PER3: variants seen among roughly 807,000 people sequenced by gnomAD.
PER3 encodes the protein period circadian protein homolog 3.
In PER3, 107 loss-of-function variants were observed where a neutral mutation model predicts 127.2. The ratio of observed to expected loss-of-function variants is 0.84; its 90% CI spans 0.72 to 0.99. The LOEUF (loss-of-function observed/expected upper bound fraction) is 0.99, where lower values mean the gene tolerates loss of function less well. PER3 is among the 50% of genes least tolerant of loss of function. The pLI is 0.00. For synonymous variants in PER3, 618 were observed against 585.8 expected (o/e 1.05, Z -0.79); for missense variants, 1,560 against 1,525.8 (o/e 1.02, Z -0.37).
rs909299773 is a variant in PER3, at chr1:7,801,093, CTTTGT to C, written c.794-16_794-12del. ...ATTAGATATTTGCCTTTAAATGGGT[CTTTGT>C]TTTTTTTTCCTTAGCTCCTCGGATC... On this transcript the variant is annotated splice_polypyrimidine_tract_variant and intron_variant, in intron 7 of 21. Coordinates refer to ENST00000377532, the MANE Select transcript of PER3 (RefSeq NM_001377275.1). 2 of 1,512,622 alleles carry C rather than the reference CTTTGT, an allele frequency of 1.3e-6. No individual in the cohort carries two copies. The highest frequency in any genetic ancestry group is 2.8e-5 in the African/African-American group (2 of 72,420). The allele number at this position is 1,512,622 out of a possible 1,614,324, so 93.7% of individuals were successfully genotyped here.
At chr1:7,790,197 A>G (rs1454383529) in intron 5 of PER3, among the ~76,000 whole-genome samples, 1 of 152,186 alleles carries the variant, frequency 6.6e-6, no homozygotes, top group Non-Finnish European at 1.5e-5. Context: ...TTACGCTGCT[A>G]TAAAGAACTA....
rs1453419609 is a variant in PER3 at position 7,835,779 on chromosome 1, A to G, written c.3232A>G (p.Ile1078Val). 7 of 1,611,026 alleles carry G rather than the reference A, an allele frequency of 4.3e-6. No homozygotes were observed. The highest frequency in any genetic ancestry group is 5.9e-6 in the Non-Finnish European group (7 of 1,177,604). The change falls in exon 20 of 22, where the codon ATA becomes GTA. Residue 1078 changes from isoleucine (I) to valine (V), a missense_variant. Physicochemically the swap from Ile to Val is conservative, Grantham distance 29. Coordinates refer to ENST00000377532, the MANE Select transcript of PER3 (RefSeq NM_001377275.1). ...TTTGACAGGAAGCAGCGACAGCAGT[A>G]TATACCTTACTAGTAGTGTTTATTC... Reference protein sequence around the residue: ...SAASGSSDSSIYLTSSVYSSK... With the variant: ...SAASGSSDSSVYLTSSVYSSK...
At position 7,823,882 on chromosome 1, in the gene PER3, A is replaced by G. The variant is rs535791365; in HGVS notation, c.1958-2598A>G. The stretch of plus-strand genomic sequence containing the variant: ...GTACACACAGTATGTTCACTGAGAA[A>G]TACGACATGTTGGGCTGTACTATGT... On this transcript the variant is annotated intron_variant, in intron 16 of 21. Coordinates refer to ENST00000377532, the MANE Select transcript of PER3 (RefSeq NM_001377275.1). Among the ~76,000 whole-genome samples, 7 of 152,360 alleles carry G rather than the reference A, an allele frequency of 4.6e-5. No homozygotes were observed. The East Asian group carries it at 1.2e-3, about 25-fold the overall frequency.
At position 7,803,761 on chromosome 1, in the gene PER3, A is replaced by G. The variant is rs2097180846; in HGVS notation, c.1049A>G (p.Tyr350Cys). Reference protein sequence around the residue: ...PIRFCTQNGDYIILDSSWSSF... With the variant: ...PIRFCTQNGDCIILDSSWSSF... ...CGATTTTGTACTCAAAACGGAGACT[A>G]CATCATACTGGATTCCAGTTGGTCC... The change falls in exon 10 of 22, where the codon TAC becomes TGC. Residue 350 changes from tyrosine to cysteine, a missense_variant. Coordinates refer to ENST00000377532, the MANE Select transcript of PER3 (RefSeq NM_001377275.1). The G allele has an allele frequency of 1.2e-6, 2 of 1,611,376 alleles. No individual in the cohort carries two copies. The highest frequency in any genetic ancestry group is 2.2e-5 in the East Asian group (1 of 44,868).
In PER3 at chr1:7,837,128, C is replaced by G. The variant is rs2097362371; in HGVS notation, c.3528C>G (p.Val1176=). ...ATAATTGGATTCAAAGCCAGACTGTCACTCAAGAAATCGACATTCAAGTAA... is the reference window on the plus strand; with the variant it reads ...ATAATTGGATTCAAAGCCAGACTGTGACTCAAGAAATCGACATTCAAGTAA... The part of the protein sequence containing the change: ...KVYNWIQSQT[V]TQEIDIQACV... The change falls in exon 21 of 22, where the codon GTC becomes GTG. Residue 1176 remains valine, a synonymous_variant. Coordinates refer to ENST00000377532, the MANE Select transcript of PER3 (RefSeq NM_001377275.1). 6.2e-7 allele frequency: 1 copy of G among 1,613,244 alleles called. No individual in the cohort carries two copies. Among genetic ancestry groups the G allele is most frequent in the African/African-American group, 1.3e-5 (1 of 74,900 alleles).
chr1:7,824,462 T>G (rs1170209030), intron 16 of PER3, among the ~76,000 whole-genome samples: 2 of 152,194 alleles, frequency 1.3e-5, no homozygotes, highest in Non-Finnish European at 2.9e-5. Context: ...TCAAGATTGC[T>G]TTGACTGTTA....
chr1:7,836,724 T>A, intron 20 of PER3: 1 of 278,518 alleles, frequency 3.6e-6, no homozygotes, highest in Non-Finnish European at 6.8e-6. Context: ...CTTTTTGTTT[T>A]AGACTCTTGA....
At chr1:7,823,068 T>C (rs2097284844) in intron 16 of PER3, among the ~76,000 whole-genome samples, 1 of 152,080 alleles carries the variant, frequency 6.6e-6, no homozygotes, top group South Asian at 2.1e-4. Context: ...CAAGACCCTG[T>C]CTCTAAAAAT....
At position 7,826,667 on chromosome 1, in the gene PER3, TCAG is replaced by T; in HGVS notation, c.2148_2150del (p.Gln717del). 6.2e-7 allele frequency: 1 copy of T among 1,613,152 alleles called. No homozygotes were observed. Among genetic ancestry groups the T allele is most frequent in the Non-Finnish European group, 8.5e-7 (1 of 1,179,086 alleles). On this transcript the variant is annotated inframe_deletion, in exon 17 of 22. Coordinates refer to ENST00000377532, the MANE Select transcript of PER3 (RefSeq NM_001377275.1). The surrounding 1 kb of genome is among the most constrained non-coding windows in gnomAD (Gnocchi z 4.2). ...TGTCATCACCCTACAGCTCCTATCT[TCAG>T]CAAGAAAGCAGGAGCAAAGCTAAAT...
rs71567316 is a variant in PER3 at position 7,806,795 on chromosome 1, TAA to T, written c.1137-2081_1137-2080del. On this transcript the variant is annotated intron_variant, in intron 10 of 21. Coordinates refer to ENST00000377532, the MANE Select transcript of PER3 (RefSeq NM_001377275.1). The stretch of plus-strand genomic sequence containing the variant: ...GGCAGCAGAGCAAGACCCTGTCTCT[TAA>T]AAAAAAAAAAAAAAAATATATATAT... Among the ~76,000 whole-genome samples, 642 of 91,882 alleles carry T rather than the reference TAA, an allele frequency of 7.0e-3. 3 individuals carry two copies. Among genetic ancestry groups the T allele is most frequent in the Middle Eastern group, 0.063 (9 of 142 alleles). 60.3% of individuals were successfully genotyped at this position (91,882 alleles called of 152,430 possible).
At position 7,826,436 on chromosome 1, in the gene PER3, T is replaced by A. The variant is rs1295460699; in HGVS notation, c.1958-44T>A. On this transcript the variant is annotated intron_variant, in intron 16 of 21. Coordinates refer to ENST00000377532, the MANE Select transcript of PER3 (RefSeq NM_001377275.1). The surrounding 1 kb of genome is among the most constrained non-coding windows in gnomAD (Gnocchi z 4.2). Reference sequence around the variant, plus strand: ...GTTAACAAAGTAAAATAAATACAAATAATTGATAGGAATTAAAATTAAATA... The same window carrying A: ...GTTAACAAAGTAAAATAAATACAAAAAATTGATAGGAATTAAAATTAAATA... 6 of 1,057,472 alleles carry A rather than the reference T, an allele frequency of 5.7e-6. No homozygotes were observed. Among genetic ancestry groups the A allele is most frequent in the Non-Finnish European group, 8.7e-6 (6 of 687,766 alleles). The allele number at this position is 1,057,472 out of a possible 1,614,324, so 65.5% of individuals were successfully genotyped here. A position where few individuals can be genotyped will look rare whatever the true frequency, so the allele number is the denominator to read the frequency against.
chr1:7,819,247 G>A (rs997275298), intron 13 of PER3, 38 bp from the exon 14 acceptor site: 1 of 1,581,946 alleles, frequency 6.3e-7, no homozygotes, highest in African/African-American at 1.3e-5. Flanking sequence ...ATTACATGCT[G>A]GGTACTTTTA....
intron 7 of PER3, among the ~76,000 whole-genome samples, chr1:7,800,216 AT>A (rs35599508): frequency 0.14 from 20,683 of 146,312 alleles, 1,638 homozygotes; most frequent in Non-Finnish European, 0.15. Flanking sequence ...CAATCACTTC[AT>A]TTTTTTTTTT....
intron 16 of PER3, among the ~76,000 whole-genome samples, chr1:7,821,468 GA>G (rs1221031131): frequency 6.6e-6 from 1 of 152,214 alleles, no homozygotes; most frequent in Admixed American, 6.5e-5. Context: ...GTCAAAAGTA[GA>G]GTTTCACTGG....
intron 10 of PER3, among the ~76,000 whole-genome samples, chr1:7,804,709 A>G (rs956122920): frequency 9.2e-5 from 14 of 151,722 alleles, no homozygotes; most frequent in Middle Eastern, 3.4e-3. Context: ...GACTGTGTCC[A>G]TTTTTTAATA....
intron 4 of PER3, chr1:7,787,803 G>C: frequency 1.9e-6 from 1 of 531,976 alleles, no homozygotes; most frequent in Non-Finnish European, 3.4e-6. Flanking sequence ...AGTCTGCATA[G>C]AATAAGCTAG....
intron 9 of PER3, 73 bp downstream of exon 9, chr1:7,803,226 AT>A: frequency 1.1e-6 from 1 of 914,030 alleles, no homozygotes; most frequent in Non-Finnish European, 1.8e-6. Context: ...TTTTCATCTC[AT>A]TAGAGCGCAA....
At chr1:7,817,827 A>G (rs1454666133) in intron 13 of PER3, among the ~76,000 whole-genome samples, 3 of 152,254 alleles carry the variant, frequency 2.0e-5, no homozygotes, top group Non-Finnish European at 4.4e-5. Flanking sequence ...TGAGAAGTTT[A>G]AAAGAAACAG....
chr1:7,785,851 G>T (rs2097086425), intron 3 of PER3, among the ~76,000 whole-genome samples: 1 of 152,218 alleles, frequency 6.6e-6, no homozygotes, highest in Non-Finnish European at 1.5e-5. Flanking sequence ...TTTAGCATAA[G>T]CACATTTTGA....
Sources: allele counts gnomAD v4.1 joint callset (sites outside exome capture counted in the v4.1 genomes callset), GRCh38; gene constraint gnomAD v4.1.1; non-coding constraint Gnocchi (gnomAD v3.1); transcripts MANE v1.5; gene names NCBI Gene and HGNC (gene_info 2026-07-23, HGNC 2026-07-21).